The following LAMP1 variants were observed in gnomAD, a reference collection of about 807,000 sequenced individuals.
The protein encoded by LAMP1 is lysosome-associated membrane glycoprotein 1.
A neutral mutation model predicts 37.5 loss-of-function variants in LAMP1; 7 were observed. The observed-to-expected ratio is 0.19, with a 90% CI of 0.11 to 0.35. The LOEUF is 0.35. Ranked by LOEUF, LAMP1 falls within the 10% of genes least tolerant of loss-of-function variation. The probability of loss-of-function intolerance (pLI) is 1.00; values close to 1 mark genes in which losing one functional copy is unlikely to be tolerated. For synonymous variants in LAMP1, 236 were observed against 229.1 expected, an observed-to-expected ratio of 1.03 and a Z score of -0.27; for missense variants, 537 against 552.8, an observed-to-expected ratio of 0.97 and a Z score of 0.29.
At position 113,321,594 on chromosome 13, in the gene LAMP1, G is replaced by A. The variant is rs200140748; in HGVS notation, c.981G>A (p.Ala327=). The change falls in exon 8 of 9, where the codon GCG becomes GCA. Residue 327 remains alanine (A), a synonymous_variant. Coordinates refer to ENST00000332556, the MANE Select transcript of LAMP1 (RefSeq NM_005561.4). This position sits in a 1 kb window ranked among gnomAD's most constrained non-coding sequence, Gnocchi z 5.6. ...AFKAANGSLR[A]LQATVGNSYK... is the part of the protein sequence containing the mutation. The stretch of plus-strand genomic sequence containing the variant: ...AAGCTGCCAACGGCTCCCTGCGAGC[G>A]CTGCAGGCCACAGTCGGCAATTCCT... 2.2e-4 allele frequency: 357 copies of A among 1,614,184 alleles called. 1 individual carries two copies. The African/African-American group carries it at 3.7e-3, about 17-fold the overall frequency.
At chr13:113,303,325 A>G (rs1349736341) in intron 1 of LAMP1, among the ~76,000 whole-genome samples, 1 of 152,150 alleles carries the variant, frequency 6.6e-6, no homozygotes, top group Non-Finnish European at 1.5e-5. Flanking sequence ...AAGTGGGGGT[A>G]TTTTGAAGCC....
In LAMP1 at chr13:113,322,361, C is replaced by A. The variant is rs374673267; in HGVS notation, c.1194C>A (p.Ile398=). Residue 398 remains isoleucine (I), a synonymous_variant, in exon 9 of 9, where the codon ATC becomes ATA. Coordinates refer to ENST00000332556, the MANE Select transcript of LAMP1 (RefSeq NM_005561.4). ...VGGALAGLVL[I]VLIAYLVGRK... Reference sequence around the variant, plus strand: ...GTGCCCTGGCGGGGCTGGTCCTCATCGTCCTCATCGCCTACCTCGTCGGCA... The same window carrying A: ...GTGCCCTGGCGGGGCTGGTCCTCATAGTCCTCATCGCCTACCTCGTCGGCA... The A allele has an allele frequency of 5.6e-6, 9 of 1,603,288 alleles. No individual in the cohort carries two copies. The highest frequency in any genetic ancestry group is 5.1e-5 in the Admixed American group (3 of 58,666).
Position 113,306,335 on chromosome 13 carries a change from G to A in LAMP1, c.62-150G>A, listed in dbSNP as rs2042597993. On this transcript the variant is annotated intron_variant, in intron 1 of 8. Transcript: ENST00000332556. Reference sequence around the variant, plus strand: ...TCACGCCACTGCACCCCAGCCTGGCGACAGTGAGACTCCGTCTCAAAAAAA... The same window carrying A: ...TCACGCCACTGCACCCCAGCCTGGCAACAGTGAGACTCCGTCTCAAAAAAA... 5 of 823,412 alleles carry A rather than the reference G, an allele frequency of 6.1e-6. No homozygotes were observed. In the South Asian group the frequency reaches 7.1e-5, roughly 12 times the overall value. 51.0% of individuals were successfully genotyped at this position (823,412 alleles called of 1,614,324 possible). A position where few individuals can be genotyped will look rare whatever the true frequency, so the allele number is the denominator to read the frequency against.
intron 4 of LAMP1, among the ~76,000 whole-genome samples, chr13:113,315,316 G>A (rs1173184161): frequency 3.3e-5 from 5 of 151,834 alleles, no homozygotes; most frequent in Non-Finnish European, 5.9e-5. Context: ...TGCCTGGGGC[G>A]CGGCGTCCTG....
At chr13:113,322,226 C>A in intron 8 of LAMP1, 56 bp from the exon 9 acceptor site, 1 of 1,552,068 alleles carries the variant, frequency 6.4e-7, no homozygotes, top group Non-Finnish European at 8.7e-7. Context: ...GGAGAGAGGC[C>A]TGTTTGCAGG....
At chr13:113,315,407 T>TG (rs2042657625) in intron 4 of LAMP1, among the ~76,000 whole-genome samples, 1 of 140,742 alleles carries the variant, frequency 7.1e-6, no homozygotes. Context: ...TTTTTTTTTT[T>TG]GAGAGGGAGT....
At chr13:113,315,601 G>A (rs1370153977) in intron 4 of LAMP1, among the ~76,000 whole-genome samples, 1 of 151,380 alleles carries the variant, frequency 6.6e-6, no homozygotes, top group African/African-American at 2.4e-5. Context: ...ATGTTGGCCA[G>A]GCTGGTCTTG....
At chr13:113,308,577 G>A (rs569683645) in intron 2 of LAMP1, among the ~76,000 whole-genome samples, 31 of 151,864 alleles carry the variant, frequency 2.0e-4, no homozygotes, top group South Asian at 6.3e-4. Flanking sequence ...TTCCCACGTC[G>A]GCCTCCCCAA....
rs1243870119 is a variant in LAMP1 at position 113,320,157 on chromosome 13, C to CTGTCACGGGGTCAGGGAGAGTCA, written c.751-186_751-164dup. On this transcript the variant is annotated intron_variant, in intron 5 of 8. Transcript: ENST00000332556. This position sits in a 1 kb window ranked among gnomAD's most constrained non-coding sequence, Gnocchi z 4.4. ...CGGGGACGCTGCACTCCAAGAGCAG[C>CTGTCACGGGGTCAGGGAGAGTCA]TGTCACGGGGTCAGGGAGAGTCATC... 6.6e-6 allele frequency among the ~76,000 whole-genome samples: 1 copy of CTGTCACGGGGTCAGGGAGAGTCA among 152,160 alleles called. No homozygotes were observed. Among genetic ancestry groups the CTGTCACGGGGTCAGGGAGAGTCA allele is most frequent in the African/African-American group, 2.4e-5 (1 of 41,436 alleles).
chr13:113,303,311 T>G (rs917258775), intron 1 of LAMP1, among the ~76,000 whole-genome samples: 1 of 152,156 alleles, frequency 6.6e-6, no homozygotes, highest in Admixed American at 6.5e-5. Context: ...ACAGAATTTC[T>G]CCCAAGTGGG....
chr13:113,306,527 A>G lies in LAMP1; in HGVS notation c.104A>G (p.Asn35Ser), dbSNP rs2042599303. The part of the protein sequence containing the change: ...CASAAMFMVK[N>S]GNGTACIMAN... The stretch of plus-strand genomic sequence containing the variant: ...TCAGCAGCAATGTTTATGGTGAAAA[A>G]TGGCAACGGGACCGCGTGCATAATG... The change falls in exon 2 of 9, where the codon AAT becomes AGT. Residue 35 changes from asparagine (N) to serine (S), a missense_variant. Transcript: ENST00000332556. 7 of 1,613,984 alleles carry G rather than the reference A, an allele frequency of 4.3e-6. No homozygotes were observed. The highest frequency in any genetic ancestry group is 3.3e-5 in the South Asian group (3 of 91,070).
rs2042690612 is a variant in LAMP1 at position 113,320,288 on chromosome 13, T to C, written c.751-57T>C. ...TCACGGTTTCAGGACTGTTTGTCTT[T>C]TCGAGAGTGTGGAGGACCTGAGCTA... is the stretch of plus-strand genomic sequence containing the variant. On this transcript the variant is annotated intron_variant, in intron 5 of 8. Transcript: ENST00000332556. The surrounding 1 kb of genome is among the most constrained non-coding windows in gnomAD (Gnocchi z 4.4). 1 of 1,606,866 alleles carries C rather than the reference T, an allele frequency of 6.2e-7. No individual in the cohort carries two copies. Among genetic ancestry groups the C allele is most frequent in the East Asian group, 2.2e-5 (1 of 44,786 alleles).
At chr13:113,314,151 C>G (rs1478952211) in intron 4 of LAMP1, among the ~76,000 whole-genome samples, 135 of 85,716 alleles carry the variant, frequency 1.6e-3, no homozygotes, top group African/African-American at 0.01. Flanking sequence ...TGGAGATGCC[C>G]GTGTGCCTGG....
chr13:113,307,862 G>T (rs2042608306), intron 2 of LAMP1, among the ~76,000 whole-genome samples: 1 of 149,876 alleles, frequency 6.7e-6, no homozygotes. Flanking sequence ...GGGAGGCTGA[G>T]GTGGGAGGAT....
In LAMP1 at chr13:113,309,765, C is replaced by T. The variant is rs749079016; in HGVS notation, c.306C>T (p.Leu102=). Residue 102 remains leucine (L), a synonymous_variant, in exon 3 of 9, where the codon CTC becomes CTT. Coordinates refer to ENST00000332556, the MANE Select transcript of LAMP1 (RefSeq NM_005561.4). ...TTGGAAGAGGACATACACTCACTCTCAATTTCACGAGAAATGCAACACGTT... is the reference window on the plus strand; with the variant it reads ...TTGGAAGAGGACATACACTCACTCTTAATTTCACGAGAAATGCAACACGTT... ...IAFGRGHTLT[L]NFTRNATRYS... 3.5e-5 allele frequency: 56 copies of T among 1,614,080 alleles called. 1 individual carries two copies. The highest frequency in any genetic ancestry group is 4.7e-5 in the Non-Finnish European group (55 of 1,180,038).
intron 2 of LAMP1, among the ~76,000 whole-genome samples, chr13:113,307,882 C>T (rs2042608401): frequency 6.9e-6 from 1 of 144,596 alleles, no homozygotes; most frequent in Non-Finnish European, 1.5e-5. Context: ...TTGCTTGAGC[C>T]TGTGAGGTCG....
Position 113,320,971 on chromosome 13 carries a change from G to T in LAMP1, c.877-433G>T, listed in dbSNP as rs1366234610. 9 of 242,112 alleles carry T rather than the reference G, an allele frequency of 3.7e-5. No individual in the cohort carries two copies. In the South Asian group the frequency reaches 3.9e-4, roughly 11 times the overall value. 15.0% of individuals were successfully genotyped at this position (242,112 alleles called of 1,614,324 possible). A position where few individuals can be genotyped will look rare whatever the true frequency, so the allele number is the denominator to read the frequency against. ...TTTTCCAGAGACTGACTCTCAAGAG[G>T]TCTGGAAGGACCAGCCTGGGCAGCA... is the stretch of plus-strand genomic sequence containing the variant. On this transcript the variant is annotated intron_variant, in intron 6 of 8. Coordinates refer to ENST00000332556, the MANE Select transcript of LAMP1 (RefSeq NM_005561.4). The surrounding 1 kb of genome is among the most constrained non-coding windows in gnomAD (Gnocchi z 4.4).
intron 1 of LAMP1, among the ~76,000 whole-genome samples, chr13:113,298,104 A>T (rs940166571): frequency 1.3e-5 from 2 of 152,138 alleles, no homozygotes; most frequent in African/African-American, 4.8e-5. Flanking sequence ...TATCTTTGGG[A>T]TTTCACAAGA....
chr13:113,308,590 G>A (rs2042613041), intron 2 of LAMP1, among the ~76,000 whole-genome samples: 2 of 152,052 alleles, frequency 1.3e-5, no homozygotes, highest in South Asian at 4.1e-4. Flanking sequence ...CTCCCCAAGT[G>A]CTGGGATTAC....
Sources: allele counts gnomAD v4.1 joint callset (sites outside exome capture counted in the v4.1 genomes callset), GRCh38; gene constraint gnomAD v4.1.1; non-coding constraint Gnocchi (gnomAD v3.1); transcripts MANE v1.5; gene names NCBI Gene and HGNC (gene_info 2026-07-23, HGNC 2026-07-21).